The following RIMS1 variants were observed in gnomAD, a reference collection of about 807,000 sequenced individuals.
RIMS1 encodes the protein regulating synaptic membrane exocytosis protein 1.
Under a neutral mutation model 214.1 loss-of-function variants are expected in RIMS1, and 83 were observed. The observed-to-expected ratio is 0.39, with a 90% CI of 0.32 to 0.47. RIMS1 has a LOEUF of 0.47. RIMS1 is among the 20% of genes least tolerant of loss of function. The pLI is 0.99. For synonymous variants in RIMS1, 793 were observed against 786.8 expected (o/e 1.01, Z -0.13); for missense variants, 2,050 against 2,161.8 (o/e 0.95, Z 1.03).
At chr6:72,377,457 G>C (rs551726843) in intron 29 of RIMS1, among the ~76,000 whole-genome samples, 1 of 152,234 alleles carries the variant, frequency 6.6e-6, no homozygotes, top group Admixed American at 6.5e-5. Flanking sequence ...ATGGACTCTG[G>C]GTGGGCACAT....
At chr6:72,127,711 A>T (rs1455565113) in intron 4 of RIMS1, among the ~76,000 whole-genome samples, 1 of 152,198 alleles carries the variant, frequency 6.6e-6, no homozygotes, top group Non-Finnish European at 1.5e-5. Context: ...AGGGAAATAT[A>T]ATTAAAAATA....
At chr6:72,345,526 C>G (rs7754466) in intron 29 of RIMS1, among the ~76,000 whole-genome samples, 38,584 of 151,622 alleles carry the variant, frequency 0.25, 5,100 homozygotes, top group Middle Eastern at 0.31. Flanking sequence ...ACTCTTAAAA[C>G]TTGAAGTAGA....
intron 4 of RIMS1, among the ~76,000 whole-genome samples, chr6:72,172,270 T>A (rs1389505620): frequency 6.6e-6 from 1 of 152,160 alleles, no homozygotes; most frequent in African/African-American, 2.4e-5. Flanking sequence ...TTTTTAATCA[T>A]GTTATGAATA....
At chr6:71,980,121 C>T (rs1002308455) in intron 2 of RIMS1, among the ~76,000 whole-genome samples, 2 of 151,956 alleles carry the variant, frequency 1.3e-5, no homozygotes, top group East Asian at 1.9e-4. Flanking sequence ...ACAGTCTGCC[C>T]GTGCCAAGAA....
In RIMS1 at chr6:72,121,881, G is replaced by A. The variant is rs575996457; in HGVS notation, c.471+21895G>A. Reference sequence around the variant, plus strand: ...GGATAAAGGGCTGTTGAATTTTGTCGAAGGACTTTTCTGCACCTATTGAGA... The same window carrying A: ...GGATAAAGGGCTGTTGAATTTTGTCAAAGGACTTTTCTGCACCTATTGAGA... On this transcript the variant is annotated intron_variant, in intron 4 of 33. Transcript: ENST00000521978. 2.2e-4 allele frequency among the ~76,000 whole-genome samples: 34 copies of A among 151,866 alleles called. 1 individual carries two copies. In the South Asian group the frequency reaches 3.5e-3, roughly 16 times the overall value.
At chr6:72,009,557 A>G (rs1205277828) in intron 2 of RIMS1, among the ~76,000 whole-genome samples, 1 of 152,214 alleles carries the variant, frequency 6.6e-6, no homozygotes, top group African/African-American at 2.4e-5. Context: ...GAAAAGATCA[A>G]CAAAATTGAT....
At chr6:71,947,678 T>C (rs1383846784) in intron 1 of RIMS1, among the ~76,000 whole-genome samples, 1 of 152,112 alleles carries the variant, frequency 6.6e-6, no homozygotes, top group African/African-American at 2.4e-5. Flanking sequence ...TTAATATTGC[T>C]AAAAGTAGAT....
intron 29 of RIMS1, among the ~76,000 whole-genome samples, chr6:72,341,943 G>A (rs953898705): frequency 2.8e-4 from 43 of 151,850 alleles, no homozygotes; most frequent in Non-Finnish European, 5.7e-4. Context: ...GGAAAATATT[G>A]CAGGACTCTT....
intron 2 of RIMS1, among the ~76,000 whole-genome samples, chr6:72,032,093 G>C (rs1043679622): frequency 7.9e-5 from 12 of 151,996 alleles, no homozygotes. Flanking sequence ...AGAGTCTAAA[G>C]AACATAAGCA....
chr6:72,386,970 G>A (rs186533068), intron 29 of RIMS1, among the ~76,000 whole-genome samples: 171 of 151,968 alleles, frequency 1.1e-3, no homozygotes, highest in African/African-American at 3.9e-3. Flanking sequence ...TCCTGACCTC[G>A]TGATCCACCC....
intron 2 of RIMS1, among the ~76,000 whole-genome samples, chr6:71,983,093 C>T (rs2151498070): frequency 6.6e-6 from 1 of 152,242 alleles, no homozygotes; most frequent in African/African-American, 2.4e-5. Flanking sequence ...TGCTCCAAAA[C>T]AATTTCCTCC....
At chr6:72,299,756 G>A (rs1286150509) in intron 26 of RIMS1, among the ~76,000 whole-genome samples, 2 of 151,784 alleles carry the variant, frequency 1.3e-5, no homozygotes, top group African/African-American at 4.8e-5. Context: ...CATTTCAATA[G>A]CGTACTGTGG....
intron 17 of RIMS1, 105 bp downstream of exon 17, chr6:72,258,386 TA>T (rs1298567441): frequency 1.6e-5 from 20 of 1,232,196 alleles, no homozygotes; most frequent in Non-Finnish European, 2.2e-5. Context: ...TTGGTCAAAT[TA>T]TTTTTTTCAG....
intron 4 of RIMS1, among the ~76,000 whole-genome samples, chr6:72,107,603 G>C (rs1479369757): frequency 6.6e-6 from 1 of 152,016 alleles, no homozygotes; most frequent in Non-Finnish European, 1.5e-5. Context: ...TACTAAGTTA[G>C]GTGACAGTAC....
chr6:72,272,287 C>T (rs981147730), intron 22 of RIMS1, among the ~76,000 whole-genome samples: 1 of 152,032 alleles, frequency 6.6e-6, no homozygotes, highest in African/African-American at 2.4e-5. Context: ...GAAGTAGCAC[C>T]TATTATAGAA....
chr6:72,123,931 G>T (rs2038964777), intron 4 of RIMS1, among the ~76,000 whole-genome samples: 1 of 151,800 alleles, frequency 6.6e-6, no homozygotes, highest in African/African-American at 2.4e-5. Flanking sequence ...TATCCAATTT[G>T]CCAGTCTGTG....
chr6:72,297,106 T>C (rs1465528985), intron 26 of RIMS1, among the ~76,000 whole-genome samples: 1 of 151,992 alleles, frequency 6.6e-6, no homozygotes, highest in Admixed American at 6.6e-5. Context: ...ACTATACATA[T>C]ATATATTATT....
chr6:71,969,520 G>A (rs1795291539), intron 2 of RIMS1, among the ~76,000 whole-genome samples: 1 of 152,110 alleles, frequency 6.6e-6, no homozygotes, highest in Admixed American at 6.6e-5. Context: ...TTTAAAAGTT[G>A]ATTGTCGGCT....
intron 2 of RIMS1, among the ~76,000 whole-genome samples, chr6:72,001,200 C>A (rs1805102183): frequency 6.6e-6 from 1 of 152,138 alleles, no homozygotes; most frequent in Admixed American, 6.6e-5. Context: ...CACTACATTT[C>A]CAGGCTTTCT....
Sources: allele counts gnomAD v4.1 joint callset (sites outside exome capture counted in the v4.1 genomes callset), GRCh38; gene constraint gnomAD v4.1.1; transcripts MANE v1.5; gene names NCBI Gene and HGNC (gene_info 2026-07-23, HGNC 2026-07-21).